The following ESR1 variants were observed in gnomAD, a reference collection of about 807,000 sequenced individuals.
ESR1 encodes the protein estrogen receptor.
ESR1 carries 12 observed loss-of-function variants against 52.7 expected under a neutral mutation model. The ratio of observed to expected loss-of-function variants is 0.23; its 90% CI spans 0.15 to 0.37. The LOEUF (loss-of-function observed/expected upper bound fraction) is 0.37, where lower values mean the gene tolerates loss of function less well. Among genes scored for constraint, ESR1 ranks in the 10% least tolerant of loss-of-function variants. The pLI is 1.00. For missense variants in ESR1, 584 were observed against 779.7 expected, an observed-to-expected ratio of 0.75 and a Z score of 2.99; for synonymous variants, 305 against 316.8, an observed-to-expected ratio of 0.96 and a Z score of 0.39.
chr6:151,996,111 T>C (rs2041458924), intron 4 of ESR1, among the ~76,000 whole-genome samples: 1 of 152,202 alleles, frequency 6.6e-6, no homozygotes, highest in South Asian at 2.1e-4. Flanking sequence ...AGAACATTCA[T>C]ATCTTTTGAT....
intron 1 of ESR1, among the ~76,000 whole-genome samples, chr6:151,684,480 G>T (rs1045353837): frequency 6.6e-6 from 1 of 152,068 alleles, no homozygotes; most frequent in African/African-American, 2.4e-5. Context: ...AGAGGCTGTC[G>T]GCAACCAGAC....
In ESR1 at chr6:152,098,960, G is replaced by A. The variant is rs2228480; in HGVS notation, c.1782G>A (p.Thr594=). 0.19 allele frequency: 304,137 copies of A among 1,612,120 alleles called. 29,351 individuals carry two copies. Among genetic ancestry groups the A allele is most frequent in the Admixed American group, 0.26 (15,354 of 59,954 alleles). Residue 594 remains threonine, a synonymous_variant, in exon 8 of 8, where the codon ACG becomes ACA. Transcript: ENST00000206249. The surrounding 1 kb of genome is among the most constrained non-coding windows in gnomAD (Gnocchi z 5.1). Reference sequence around the variant, plus strand: ...GGGAGGCAGAGGGTTTCCCTGCCACGGTCTGAGAGCTCCCTGGCTCCCACA... The same window carrying A: ...GGGAGGCAGAGGGTTTCCCTGCCACAGTCTGAGAGCTCCCTGGCTCCCACA... ...ITGEAEGFPA[T]V
chr6:151,883,306 T>C (rs1019129301), intron 3 of ESR1, among the ~76,000 whole-genome samples: 4 of 140,606 alleles, frequency 2.8e-5, no homozygotes, highest in African/African-American at 1.1e-4. Flanking sequence ...TTTTTTTTTT[T>C]GTAGAGACGG....
At chr6:152,031,146 G>T (rs1452645523) in intron 5 of ESR1, among the ~76,000 whole-genome samples, 1 of 152,230 alleles carries the variant, frequency 6.6e-6, no homozygotes, top group African/African-American at 2.4e-5. Context: ...GCAGTGTGTA[G>T]AGGGAACTTT....
At chr6:151,865,388 G>A (rs902807561) in intron 2 of ESR1, among the ~76,000 whole-genome samples, 3 of 152,134 alleles carry the variant, frequency 2.0e-5, no homozygotes, top group Admixed American at 1.3e-4. Flanking sequence ...AGTTGACAAA[G>A]GGTTTGCATA....
rs374884148 is a variant in ESR1, at chr6:152,002,302, G to T, written c.1097-9354G>T. Among the ~76,000 whole-genome samples the T allele has an allele frequency of 9.0e-4, 137 of 151,778 alleles. 2 individuals carry two copies. In the South Asian group the frequency reaches 0.028, roughly 31 times the overall value. ...TTGAGCTGGGTGGAGATGGGAGGAA[G>T]CTATCCTTGTCCATGCGGTTTGGAG... On this transcript the variant is annotated intron_variant, in intron 4 of 7. Transcript: ENST00000206249.
intron 2 of ESR1, 90 bp downstream of exon 2, chr6:151,842,877 G>A: frequency 8.7e-7 from 1 of 1,145,806 alleles, no homozygotes; most frequent in Non-Finnish European, 1.3e-6. Flanking sequence ...CATAGAATCA[G>A]CCATTTGTAC....
chr6:151,734,544 A>G (rs1352555331), intron 2 of ESR1, among the ~76,000 whole-genome samples: 1 of 151,768 alleles, frequency 6.6e-6, no homozygotes, highest in Non-Finnish European at 1.5e-5. Flanking sequence ...AGAGGGACTC[A>G]CCACCTGGGT....
chr6:151,698,722 C>G (rs1033719617), intron 1 of ESR1, among the ~76,000 whole-genome samples: 1 of 152,136 alleles, frequency 6.6e-6, no homozygotes, highest in Non-Finnish European at 1.5e-5. Context: ...GCCAAACCCA[C>G]TAAATAATTT....
At chr6:152,029,661 C>A (rs2044495862) in intron 5 of ESR1, among the ~76,000 whole-genome samples, 1 of 152,170 alleles carries the variant, frequency 6.6e-6, no homozygotes, top group South Asian at 2.1e-4. Flanking sequence ...AAATCTACGT[C>A]TGATTGGTGT....
At chr6:151,894,739 G>A (rs1420759062) in intron 3 of ESR1, among the ~76,000 whole-genome samples, 1 of 152,004 alleles carries the variant, frequency 6.6e-6, no homozygotes. Flanking sequence ...CTGTTCCTTT[G>A]GTCTACATGC....
chr6:152,003,827 A>G (rs1173024976), intron 4 of ESR1, among the ~76,000 whole-genome samples: 1 of 152,058 alleles, frequency 6.6e-6, no homozygotes, highest in African/African-American at 2.4e-5. Flanking sequence ...CCAGTATTTT[A>G]AAAGTTTGTA....
Position 151,739,857 on chromosome 6 carries a change from T to G in ESR1, c.-71+37852T>G, listed in dbSNP as rs545459101. On this transcript the variant is annotated intron_variant, in intron 2 of 2. Coordinates refer to the ESR1 transcript ENST00000404742. ...TTTCTTAGCATTCTGGCCGCAGTCT[T>G]CTACTACATGGTCCTTATTTGTCAT... Among the ~76,000 whole-genome samples the G allele has an allele frequency of 2.6e-5, 4 of 152,308 alleles. No individual in the cohort carries two copies. In the East Asian group the frequency reaches 5.8e-4, roughly 22 times the overall value.
exon 7 of ESR1, chr6:152,125,446 C>A: frequency 7.1e-7 from 1 of 1,414,124 alleles, no homozygotes; most frequent in Non-Finnish European, 9.4e-7. Context: ...TGACCATGGG[C>A]AAGTAAATTA....
intron 5 of ESR1, among the ~76,000 whole-genome samples, chr6:152,042,357 C>T (rs1013927090): frequency 1.3e-5 from 2 of 152,184 alleles, no homozygotes; most frequent in South Asian, 4.1e-4. Flanking sequence ...ATTAACTGAT[C>T]TCCAAAAGCC....
At chr6:151,694,350 AC>A (rs1378196759) in intron 1 of ESR1, among the ~76,000 whole-genome samples, 1 of 152,226 alleles carries the variant, frequency 6.6e-6, no homozygotes, top group East Asian at 1.9e-4. Context: ...ATGGGAGATA[AC>A]ATTACACCCT....
intron 2 of ESR1, among the ~76,000 whole-genome samples, chr6:151,739,382 G>T (rs576524046): frequency 1.3e-5 from 2 of 152,152 alleles, no homozygotes; most frequent in African/African-American, 2.4e-5. Flanking sequence ...CAGGGTACAG[G>T]TTCTTTTCTG....
At chr6:152,077,173 C>T (rs535661198) in intron 6 of ESR1, among the ~76,000 whole-genome samples, 1 of 151,744 alleles carries the variant, frequency 6.6e-6, no homozygotes, top group African/African-American at 2.4e-5. Flanking sequence ...TGCCCTGCAT[C>T]TCAGCTGCTC....
At position 152,111,597 on chromosome 6, in the gene ESR1, A is replaced by C. The variant is rs185103423; in HGVS notation, c.851-13669A>C. Among the ~76,000 whole-genome samples, 10 of 152,338 alleles carry C rather than the reference A, an allele frequency of 6.6e-5. No homozygotes were observed. The East Asian group carries it at 1.7e-3, about 26-fold the overall frequency. On this transcript the variant is annotated intron_variant, in intron 6 of 6. Coordinates refer to the ESR1 transcript ENST00000427531. ...AAATTCTCAAGTTCACCCCGGACTC[A>C]ATGGAGTTTAAGCTGAAAAGATTCC...
Sources: gnomAD v4.1 joint callset for allele counts (sites outside exome capture counted in the v4.1 genomes callset) on GRCh38, gnomAD v4.1.1 for gene constraint, Gnocchi (gnomAD v3.1) non-coding constraint, MANE v1.5 for transcripts, NCBI Gene and HGNC (gene_info 2026-07-23, HGNC 2026-07-21) for gene names.